Variants in EFCAB11 observed in about 807,000 individuals in gnomAD.
EFCAB11 encodes EF-hand calcium binding domain 11.
EFCAB11 carries 14 observed loss-of-function variants against 23.0 expected under a neutral mutation model. The observed-to-expected ratio is 0.61, with a 90% CI of 0.40 to 0.95. The LOEUF is 0.95. Among genes scored for constraint, EFCAB11 ranks in the 40% least tolerant of loss-of-function variants. EFCAB11 has a pLI of 0.00. For synonymous variants in EFCAB11, 65 were observed against 66.6 expected (o/e 0.98, Z 0.11); for missense variants, 198 against 195.8 (o/e 1.01, Z -0.07).
chr14:89,917,458 C>T (rs1889886302), intron 5 of EFCAB11, among the ~76,000 whole-genome samples: 1 of 152,148 alleles, frequency 6.6e-6, no homozygotes, highest in Non-Finnish European at 1.5e-5. Context: ...TTCTGCTGTA[C>T]ACACATACCA....
intron 5 of EFCAB11, among the ~76,000 whole-genome samples, chr14:89,925,062 T>A (rs1890146189): frequency 6.6e-6 from 1 of 152,212 alleles, no homozygotes; most frequent in African/African-American, 2.4e-5. Context: ...ACTATCAACA[T>A]TTAAGGAAAG....
At chr14:89,902,752 T>C (rs934606262) in intron 5 of EFCAB11, among the ~76,000 whole-genome samples, 1 of 152,184 alleles carries the variant, frequency 6.6e-6, no homozygotes, top group Non-Finnish European at 1.5e-5. Context: ...TTTACGTATT[T>C]TAATCATACT....
intron 5 of EFCAB11, among the ~76,000 whole-genome samples, chr14:89,914,243 T>C (rs1889766826): frequency 6.6e-6 from 1 of 152,236 alleles, no homozygotes; most frequent in Non-Finnish European, 1.5e-5. Flanking sequence ...TAACGCAGCA[T>C]GAGGCATCAT....
Position 89,935,575 on chromosome 14 carries a change from C to T in EFCAB11, c.218-2948G>A, listed in dbSNP as rs368714285. Among the ~76,000 whole-genome samples, 52 of 152,158 alleles carry T rather than the reference C, an allele frequency of 3.4e-4. No homozygotes were observed. The South Asian group carries it at 0.01, about 30-fold the overall frequency. On this transcript the variant is annotated intron_variant, in intron 3 of 5. Coordinates refer to ENST00000316738, the MANE Select transcript of EFCAB11 (RefSeq NM_145231.4). The stretch of plus-strand genomic sequence containing the variant: ...TAAAGGCATATGCCACCATGCCAGG[C>T]TTAAAATGTGTGTTTTAGAGCAGGT...
chr14:89,811,736 C>T (rs1263455458), intron 5 of EFCAB11, among the ~76,000 whole-genome samples: 1 of 152,130 alleles, frequency 6.6e-6, no homozygotes, highest in Non-Finnish European at 1.5e-5. Flanking sequence ...AGGAATGTGG[C>T]CCTGCTGACA....
At chr14:89,821,770 T>C (rs1886527498) in intron 5 of EFCAB11, among the ~76,000 whole-genome samples, 1 of 152,176 alleles carries the variant, frequency 6.6e-6, no homozygotes, top group South Asian at 2.1e-4. Context: ...AGCACACCCT[T>C]TTTAAACACC....
chr14:89,809,121 C>T (rs1309744770), intron 5 of EFCAB11, among the ~76,000 whole-genome samples: 1 of 152,152 alleles, frequency 6.6e-6, no homozygotes, highest in Non-Finnish European at 1.5e-5. Context: ...CGACCCTGTC[C>T]ACCTCTCTCC....
At chr14:89,875,876 A>G (rs1888422020) in intron 5 of EFCAB11, among the ~76,000 whole-genome samples, 1 of 152,176 alleles carries the variant, frequency 6.6e-6, no homozygotes, top group African/African-American at 2.4e-5. Flanking sequence ...AAGGGCATGC[A>G]GGCAGAGTGC....
chr14:89,927,970 G>T (rs981999739), intron 5 of EFCAB11, among the ~76,000 whole-genome samples: 27 of 152,138 alleles, frequency 1.8e-4, no homozygotes, highest in African/African-American at 6.3e-4. Context: ...TGATCCGCCC[G>T]CCTCGGCCTC....
At chr14:89,911,820 A>C (rs933048464) in intron 5 of EFCAB11, among the ~76,000 whole-genome samples, 7 of 152,158 alleles carry the variant, frequency 4.6e-5, no homozygotes, top group African/African-American at 1.7e-4. Flanking sequence ...AGTCATGGCA[A>C]TAGAAACCAC....
At chr14:89,799,748 C>G (rs899824855) in intron 5 of EFCAB11, among the ~76,000 whole-genome samples, 2 of 151,838 alleles carry the variant, frequency 1.3e-5, no homozygotes, top group Admixed American at 1.3e-4. Context: ...TGCCCCACAG[C>G]AGAGGATGAA....
Position 89,815,758 on chromosome 14 carries a change from G to A in EFCAB11, c.411-18434C>T, listed in dbSNP as rs946775791. 1.2e-4 allele frequency among the ~76,000 whole-genome samples: 18 copies of A among 152,228 alleles called. No homozygotes were observed. In the East Asian group the frequency reaches 3.3e-3, roughly 28 times the overall value. On this transcript the variant is annotated intron_variant, in intron 5 of 5. Transcript: ENST00000316738. ...TCTAATTAGTACTATATAGATTGCTGTAAATTTGAGTTTTGGGCAATGGTG... is the reference window on the plus strand; with the variant it reads ...TCTAATTAGTACTATATAGATTGCTATAAATTTGAGTTTTGGGCAATGGTG...
At chr14:89,924,055 A>G (rs748927729) in intron 5 of EFCAB11, 18 of 985,512 alleles carry the variant, frequency 1.8e-5, no homozygotes, top group South Asian at 1.4e-4. Flanking sequence ...TATAACATCT[A>G]TATAATTTTT....
At chr14:89,856,059 C>T (rs1466860708) in intron 5 of EFCAB11, among the ~76,000 whole-genome samples, 1 of 152,130 alleles carries the variant, frequency 6.6e-6, no homozygotes, top group African/African-American at 2.4e-5. Context: ...TATATCTTGG[C>T]TATTGTGAAT....
intron 5 of EFCAB11, among the ~76,000 whole-genome samples, chr14:89,820,890 A>G (rs1017478587): frequency 2.0e-5 from 3 of 151,660 alleles, no homozygotes; most frequent in Non-Finnish European, 4.4e-5. Context: ...TTATATATAT[A>G]AAATATGTTA....
chr14:89,815,947 A>G (rs1886322412), intron 5 of EFCAB11, among the ~76,000 whole-genome samples: 1 of 152,176 alleles, frequency 6.6e-6, no homozygotes, highest in Non-Finnish European at 1.5e-5. Context: ...TGTGGTAGGC[A>G]TTACATTGAA....
intron 5 of EFCAB11, 31 bp from the exon 6 acceptor site, chr14:89,797,355 A>G (rs1885609925): frequency 7.5e-6 from 12 of 1,599,246 alleles, no homozygotes; most frequent in African/African-American, 5.4e-5. Context: ...TCATTTACAC[A>G]TTATTCTCGT....
chr14:89,834,375 CAAAAAAAAAAAAAAAA>C (rs5810476), intron 5 of EFCAB11, among the ~76,000 whole-genome samples: 2 of 32,436 alleles, frequency 6.2e-5, no homozygotes, highest in African/African-American at 1.8e-4. Context: ...GACTCCGTCT[CAAAAAAAAAAAAAAAA>C]AAAAAAAAAA....
At chr14:89,930,423 T>C (rs1890349787) in intron 5 of EFCAB11, among the ~76,000 whole-genome samples, 1 of 152,224 alleles carries the variant, frequency 6.6e-6, no homozygotes, top group South Asian at 2.1e-4. Context: ...GGGCACATCA[T>C]TGCCCAGAGC....
Sources: allele counts gnomAD v4.1 joint callset (sites outside exome capture counted in the v4.1 genomes callset), GRCh38; gene constraint gnomAD v4.1.1; transcripts MANE v1.5; gene names NCBI Gene and HGNC (gene_info 2026-07-23, HGNC 2026-07-21).